The following CAMTA1 variants were observed in gnomAD, a reference collection of about 807,000 sequenced individuals.
CAMTA1 encodes the protein calmodulin binding transcription activator 1.
CAMTA1 carries 27 observed loss-of-function variants against 170.9 expected under a neutral mutation model. The observed-to-expected ratio is 0.16, with a 90% confidence interval of 0.12 to 0.22. The LOEUF (loss-of-function observed/expected upper bound fraction) is 0.22. Ranked by LOEUF, CAMTA1 falls within the 10% of genes least tolerant of loss-of-function variation. The pLI is 1.00. For synonymous variants in CAMTA1, 833 were observed against 891.5 expected, an observed-to-expected ratio of 0.93 and a Z score of 1.17; for missense variants, 1,619 against 2,217.2, an observed-to-expected ratio of 0.73 and a Z score of 5.42.
intron 4 of CAMTA1, among the ~76,000 whole-genome samples, chr1:7,221,101 G>C (rs1413134220): frequency 6.6e-6 from 1 of 152,204 alleles, no homozygotes; most frequent in Non-Finnish European, 1.5e-5. Flanking sequence ...GGCTTTCTCA[G>C]AACCCATCCC....
chr1:6,871,787 C>T (rs754824981), intron 3 of CAMTA1: 29 of 1,534,548 alleles, frequency 1.9e-5, no homozygotes, highest in Non-Finnish European at 2.3e-5. Flanking sequence ...TTTTGGATTT[C>T]TTTTTAATAA....
intron 11 of CAMTA1, among the ~76,000 whole-genome samples, chr1:7,731,217 G>A (rs79641117): frequency 9.9e-4 from 150 of 152,184 alleles, no homozygotes; most frequent in African/African-American, 3.6e-3. Context: ...AGTAATTCCT[G>A]TTGTTTCTCT....
chr1:7,351,177 T>A (rs2084640699), intron 5 of CAMTA1, among the ~76,000 whole-genome samples: 1 of 152,238 alleles, frequency 6.6e-6, no homozygotes, highest in Admixed American at 6.5e-5. Context: ...GTGAGCATTT[T>A]CTCAGGGAGA....
intron 3 of CAMTA1, among the ~76,000 whole-genome samples, chr1:6,915,886 C>G (rs1358297769): frequency 6.6e-6 from 1 of 152,158 alleles, no homozygotes; most frequent in Non-Finnish European, 1.5e-5. Context: ...AGTCTCTGAC[C>G]CCACCATCGG....
At chr1:6,893,973 CCTCT>C (rs905594341) in intron 3 of CAMTA1, among the ~76,000 whole-genome samples, 44 of 152,198 alleles carry the variant, frequency 2.9e-4, no homozygotes, top group African/African-American at 1.0e-3. Context: ...TTTCCTTTCT[CCTCT>C]CTCTTTTCTT....
At chr1:7,604,874 CTGTT>C (rs2095473249) in intron 6 of CAMTA1, among the ~76,000 whole-genome samples, 1 of 152,096 alleles carries the variant, frequency 6.6e-6, no homozygotes, top group Non-Finnish European at 1.5e-5. Context: ...GATGTCGTTT[CTGTT>C]TGTTAGTTTT....
At chr1:7,616,731 G>T (rs980285107) in intron 6 of CAMTA1, among the ~76,000 whole-genome samples, 3 of 152,164 alleles carry the variant, frequency 2.0e-5, no homozygotes, top group African/African-American at 7.2e-5. Flanking sequence ...GCGTGACAGG[G>T]AGGAGAGACG....
chr1:7,647,805 C>T (rs955664014), intron 7 of CAMTA1, among the ~76,000 whole-genome samples: 4 of 152,188 alleles, frequency 2.6e-5, no homozygotes, highest in Admixed American at 1.3e-4. Context: ...CCTAAAAGTC[C>T]GGACGTAGTG....
chr1:7,731,717 A>G (rs1247341538), intron 11 of CAMTA1, among the ~76,000 whole-genome samples: 1 of 152,166 alleles, frequency 6.6e-6, no homozygotes, highest in African/African-American at 2.4e-5. Flanking sequence ...AAACAAAAAC[A>G]AAAACAAAAA....
At chr1:6,802,234 C>T (rs1010744697) in intron 1 of CAMTA1, among the ~76,000 whole-genome samples, 17 of 152,188 alleles carry the variant, frequency 1.1e-4, no homozygotes, top group Non-Finnish European at 1.0e-4. Context: ...GCTTGAGTTA[C>T]ATGTAGTGGC....
intron 11 of CAMTA1, among the ~76,000 whole-genome samples, chr1:7,725,509 CATGGT>C (rs1326279495): frequency 6.6e-6 from 1 of 152,216 alleles, no homozygotes; most frequent in Non-Finnish European, 1.5e-5. Flanking sequence ...ATGGCTCTGG[CATGGT>C]TCACATGAGG....
intron 6 of CAMTA1, among the ~76,000 whole-genome samples, chr1:7,617,299 G>A (rs2095565624): frequency 6.6e-6 from 1 of 152,316 alleles, no homozygotes; most frequent in East Asian, 1.9e-4. Context: ...AGCTCAGCGG[G>A]GGAAGAGATG....
intron 5 of CAMTA1, among the ~76,000 whole-genome samples, chr1:7,365,395 A>G (rs2085885826): frequency 6.6e-6 from 1 of 152,212 alleles, no homozygotes; most frequent in Non-Finnish European, 1.5e-5. Flanking sequence ...TTACTGGGCT[A>G]TTACTGGAAA....
chr1:7,598,505 C>A (rs545391735), intron 6 of CAMTA1, among the ~76,000 whole-genome samples: 3,189 of 152,292 alleles, frequency 0.021, 107 homozygotes, highest in African/African-American at 0.073. Flanking sequence ...CCTGAGGAAT[C>A]GCCACACTGA....
chr1:7,538,756 G>A (rs781533718), intron 6 of CAMTA1, among the ~76,000 whole-genome samples: 8 of 152,236 alleles, frequency 5.3e-5, no homozygotes, highest in African/African-American at 9.6e-5. Flanking sequence ...GAGGTAGGGC[G>A]TGTGACCAGC....
At chr1:7,018,693 G>A (rs1700925413) in intron 3 of CAMTA1, among the ~76,000 whole-genome samples, 2 of 152,290 alleles carry the variant, frequency 1.3e-5, no homozygotes, top group Admixed American at 6.5e-5. Context: ...TCTCCTTCCT[G>A]TCATGTAGCC....
intron 4 of CAMTA1, among the ~76,000 whole-genome samples, chr1:7,233,880 G>T (rs2149219568): frequency 6.6e-6 from 1 of 152,254 alleles, no homozygotes; most frequent in South Asian, 2.1e-4. Flanking sequence ...GGGCCGGGGA[G>T]GTGGGGGTCA....
At chr1:7,373,656 T>G (rs1343745322) in intron 5 of CAMTA1, among the ~76,000 whole-genome samples, 1 of 152,192 alleles carries the variant, frequency 6.6e-6, no homozygotes, top group Non-Finnish European at 1.5e-5. Context: ...GTGGGGAAAC[T>G]TATAAATTAT....
rs1641597810 is a variant in CAMTA1, at chr1:7,092,371, A to C, written c.302+1000A>C. ...GTCATGGGAAAGGTCATCCTTGGGA[A>C]TGTTTATTCCTTCTAGAAGGTATTT... On this transcript the variant is annotated intron_variant, in intron 4 of 22. Transcript: ENST00000303635. This position sits in a 1 kb window ranked among gnomAD's most constrained non-coding sequence, Gnocchi z 5.0. 6.6e-6 allele frequency among the ~76,000 whole-genome samples: 1 copy of C among 152,152 alleles called. No individual in the cohort carries two copies.
Sources: gnomAD v4.1 joint callset for allele counts (sites outside exome capture counted in the v4.1 genomes callset) on GRCh38, gnomAD v4.1.1 for gene constraint, Gnocchi (gnomAD v3.1) non-coding constraint, MANE v1.5 for transcripts, NCBI Gene and HGNC (gene_info 2026-07-23, HGNC 2026-07-21) for gene names.